Variants in FHL5 observed in about 807,000 individuals in gnomAD.
The protein encoded by FHL5 is four and a half LIM domains protein 5.
A neutral mutation model predicts 32.0 loss-of-function variants in FHL5; 33 were observed. That is an observed-to-expected ratio of 1.03 (90% CI 0.78 to 1.38). The LOEUF (loss-of-function observed/expected upper bound fraction) is 1.38, where lower values mean the gene tolerates loss of function less well. Among genes scored for constraint, FHL5 ranks in the 40% most tolerant of loss-of-function variants. The pLI, the probability that FHL5 is intolerant of heterozygous loss-of-function variation, is 0.00. For synonymous variants in FHL5, 114 were observed against 113.6 expected (o/e 1.00, Z -0.02); for missense variants, 336 against 343.9 (o/e 0.98, Z 0.18).
chr6:96,597,574 A>G (rs1436811619), intron 1 of FHL5, among the ~76,000 whole-genome samples: 1 of 152,236 alleles, frequency 6.6e-6, no homozygotes, highest in African/African-American at 2.4e-5. Flanking sequence ...TTTCTATAGA[A>G]AAAAGTTCAA....
intron 4 of FHL5, among the ~76,000 whole-genome samples, chr6:96,610,214 G>C (rs1287533984): frequency 6.6e-6 from 1 of 152,172 alleles, no homozygotes; most frequent in Non-Finnish European, 1.5e-5. Context: ...AAAAGAACCT[G>C]TGTGGTTTTT....
At chr6:96,599,205 T>C (rs1771097817) in intron 1 of FHL5, among the ~76,000 whole-genome samples, 1 of 149,358 alleles carries the variant, frequency 6.7e-6, no homozygotes, top group African/African-American at 2.5e-5. Flanking sequence ...TTTTTTTTTT[T>C]TTTTTTTGAG....
intron 5 of FHL5, among the ~76,000 whole-genome samples, chr6:96,613,786 G>C (rs991075223): frequency 6.6e-6 from 1 of 152,176 alleles, no homozygotes; most frequent in Non-Finnish European, 1.5e-5. Flanking sequence ...TGGGGCAAGC[G>C]GTTAAACTTC....
intron 1 of FHL5, among the ~76,000 whole-genome samples, chr6:96,570,240 G>A (rs1473297767): frequency 6.6e-6 from 1 of 152,026 alleles, no homozygotes; most frequent in Non-Finnish European, 1.5e-5. Flanking sequence ...GGATAACTTT[G>A]CTGGGTATAG....
intron 1 of FHL5, among the ~76,000 whole-genome samples, chr6:96,590,576 T>C (rs1582468302): frequency 6.6e-6 from 1 of 152,088 alleles, no homozygotes; most frequent in African/African-American, 2.4e-5. Flanking sequence ...TGTTTCCTTT[T>C]AACTCTTGTA....
At chr6:96,604,114 T>C (rs1445078524) in intron 2 of FHL5, among the ~76,000 whole-genome samples, 3 of 152,214 alleles carry the variant, frequency 2.0e-5, no homozygotes, top group Admixed American at 1.3e-4. Flanking sequence ...GACAAGGGTA[T>C]AAATAAATGC....
chr6:96,590,711 T>C (rs953132309), intron 1 of FHL5, among the ~76,000 whole-genome samples: 3 of 152,092 alleles, frequency 2.0e-5, no homozygotes, highest in African/African-American at 7.2e-5. Flanking sequence ...TACCATTAAG[T>C]ATAGTGTTCG....
At chr6:96,564,142 C>T (rs1770304172) in intron 1 of FHL5, among the ~76,000 whole-genome samples, 1 of 152,002 alleles carries the variant, frequency 6.6e-6, no homozygotes, top group Non-Finnish European at 1.5e-5. Flanking sequence ...AAATTGGAAA[C>T]TAAAAAGAAT....
intron 1 of FHL5, among the ~76,000 whole-genome samples, chr6:96,590,149 G>A (rs915269869): frequency 6.6e-6 from 1 of 151,846 alleles, no homozygotes; most frequent in Non-Finnish European, 1.5e-5. Flanking sequence ...CTGGCCCTCT[G>A]CATTTCTTTA....
chr6:96,577,170 ACAT>A (rs1459078925), intron 1 of FHL5, among the ~76,000 whole-genome samples: 3 of 152,208 alleles, frequency 2.0e-5, no homozygotes, highest in Non-Finnish European at 2.9e-5. Flanking sequence ...CCCACCACCA[ACAT>A]CATCAACAAA....
At chr6:96,578,092 T>C (rs1215900884) in intron 1 of FHL5, among the ~76,000 whole-genome samples, 1 of 152,182 alleles carries the variant, frequency 6.6e-6, no homozygotes, top group Non-Finnish European at 1.5e-5. Context: ...ATCAGAAGTG[T>C]AGGAAGTATA....
intron 1 of FHL5, among the ~76,000 whole-genome samples, chr6:96,599,834 T>A (rs1024885186): frequency 6.6e-6 from 1 of 152,234 alleles, no homozygotes; most frequent in African/African-American, 2.4e-5. Context: ...CATGTTTATA[T>A]TAATAGTTCT....
chr6:96,576,219 CT>C (rs1770581505), intron 1 of FHL5, among the ~76,000 whole-genome samples: 1 of 152,238 alleles, frequency 6.6e-6, no homozygotes, highest in Non-Finnish European at 1.5e-5. Context: ...TACCTTCACA[CT>C]TTTCCACAGG....
At chr6:96,607,324 C>T (rs1350454620) in intron 4 of FHL5, among the ~76,000 whole-genome samples, 1 of 145,718 alleles carries the variant, frequency 6.9e-6, no homozygotes, top group East Asian at 1.9e-4. Flanking sequence ...TTTGGCAGAA[C>T]TCTTAAGCCC....
chr6:96,591,617 A>C (rs1294774938), intron 1 of FHL5, among the ~76,000 whole-genome samples: 1 of 152,090 alleles, frequency 6.6e-6, no homozygotes, highest in African/African-American at 2.4e-5. Context: ...ATTTGAATAT[A>C]TCTCTCCATT....
chr6:96,603,279 C>A (rs185066159), intron 1 of FHL5, among the ~76,000 whole-genome samples: 14 of 152,236 alleles, frequency 9.2e-5, no homozygotes, highest in African/African-American at 3.4e-4. Context: ...GTAAAACCAT[C>A]CTGTTTCAAC....
At chr6:96,585,297 G>T (rs2127964623) in intron 1 of FHL5, among the ~76,000 whole-genome samples, 1 of 151,722 alleles carries the variant, frequency 6.6e-6, no homozygotes, top group East Asian at 1.9e-4. Flanking sequence ...CTTCCCTAAA[G>T]AAAAAAGAAA....
intron 5 of FHL5, among the ~76,000 whole-genome samples, chr6:96,611,282 A>C (rs980941480): frequency 6.6e-5 from 10 of 152,176 alleles, no homozygotes; most frequent in African/African-American, 2.2e-4. Context: ...GCTTCTAACA[A>C]ATGTATTACT....
chr6:96,586,346 G>C (rs1167098749), intron 1 of FHL5, among the ~76,000 whole-genome samples: 1 of 152,116 alleles, frequency 6.6e-6, no homozygotes, highest in Non-Finnish European at 1.5e-5. Context: ...AACTAAGCAT[G>C]TGTTTAAAAA....
Sources: gnomAD v4.1 joint callset for allele counts (sites outside exome capture counted in the v4.1 genomes callset) on GRCh38, gnomAD v4.1.1 for gene constraint, MANE v1.5 for transcripts, NCBI Gene and HGNC (gene_info 2026-07-23, HGNC 2026-07-21) for gene names.